The following INPP5B variants were observed in gnomAD, a reference collection of about 807,000 sequenced individuals.
INPP5B encodes the protein type II inositol 1,4,5-trisphosphate 5-phosphatase.
A neutral mutation model predicts 118.5 loss-of-function variants in INPP5B; 90 were observed. The observed-to-expected ratio is 0.76, with a 90% CI of 0.64 to 0.90. INPP5B has a LOEUF of 0.90. Among genes scored for constraint, INPP5B ranks in the 40% least tolerant of loss-of-function variants. The pLI, the probability that INPP5B is intolerant of heterozygous loss-of-function variation, is 0.00. For missense variants in INPP5B, 984 were observed against 1,125.6 expected (o/e 0.87, Z 1.80); for synonymous variants, 385 against 418.9 (o/e 0.92, Z 0.99).
chr1:37,934,233 C>G (rs1019747193), intron 6 of INPP5B, among the ~76,000 whole-genome samples: 1 of 152,090 alleles, frequency 6.6e-6, no homozygotes, highest in African/African-American at 2.4e-5. Flanking sequence ...CCATCCGGCC[C>G]CTATTACTTC....
At chr1:37,867,285 G>A (rs568445760) in intron 20 of INPP5B, among the ~76,000 whole-genome samples, 120 of 152,202 alleles carry the variant, frequency 7.9e-4, no homozygotes, top group African/African-American at 2.8e-3. Context: ...GATACTTTAT[G>A]TTCATTTGTT....
intron 6 of INPP5B, among the ~76,000 whole-genome samples, chr1:37,933,943 A>G (rs1056967831): frequency 1.8e-5 from 2 of 113,518 alleles, no homozygotes; most frequent in Non-Finnish European, 3.7e-5. Context: ...TTATTTATTT[A>G]TTTATTTTGG....
rs777352568 is a variant in INPP5B, at chr1:37,911,970, G to A, written c.532+19943C>T. Among the ~76,000 whole-genome samples the A allele has an allele frequency of 3.9e-5, 6 of 152,174 alleles. 1 individual carries two copies. The highest frequency in any genetic ancestry group is 6.5e-5 in the Admixed American group (1 of 15,284). On this transcript the variant is annotated intron_variant, in intron 7 of 23. Transcript: ENST00000373024. ...CTTCTCAGAATTAGAGCCTGTCCTC[G>A]AGATGCTACAGGGTACTGTCCATTT...
chr1:37,931,461 C>A lies in INPP5B; in HGVS notation c.532+452G>T, dbSNP rs1343008427. 2.6e-6 allele frequency: 4 copies of A among 1,531,776 alleles called. No homozygotes were observed. In the South Asian group the frequency reaches 4.8e-5, roughly 18 times the overall value. 94.9% of individuals were successfully genotyped at this position (1,531,776 alleles called of 1,614,324 possible). On this transcript the variant is annotated intron_variant, in intron 7 of 23. Transcript: ENST00000373024. ...CCCCAGCCTCCGGATTCCCAAGTAC[C>A]CCATTCCCACCCGCCTACCCTCGTC...
rs1240381798 is a variant in INPP5B at position 37,888,249 on chromosome 1, C to A, written c.893G>T (p.Cys298Phe). ...CTAGAAGAGAAGCACTCACCCTACA[C>A]AATAGACATCTGGGGCCTGGATACC... ...SNGIQAPDVY[C>F]VGFQELDLSK... is the part of the protein sequence containing the mutation. The change falls in exon 10 of 24, where the codon TGT (cysteine) becomes TTT (phenylalanine). Residue 298 changes from cysteine to phenylalanine, a missense_variant. Around this residue, in one of 2 missense-constraint regions of INPP5B, gnomAD observed 634 missense variants for 791.0 expected, o/e 0.80. Coordinates refer to ENST00000373024, the MANE Select transcript of INPP5B (RefSeq NM_005540.3). The A allele has an allele frequency of 6.4e-7, 1 of 1,567,588 alleles. No individual in the cohort carries two copies. The highest frequency in any genetic ancestry group is 1.2e-5 in the South Asian group (1 of 84,670).
At chr1:37,931,278 A>G in intron 7 of INPP5B, 1 of 457,752 alleles carries the variant, frequency 2.2e-6, no homozygotes, top group Non-Finnish European at 3.8e-6. Context: ...CCAAAGGAAG[A>G]CTCTATCGTA....
chr1:37,921,324 T>C (rs1376875369), intron 7 of INPP5B, among the ~76,000 whole-genome samples: 9 of 152,160 alleles, frequency 5.9e-5, no homozygotes, highest in Non-Finnish European at 1.5e-5. Flanking sequence ...ACCTAGCACA[T>C]AGTACACAGG....
At chr1:37,919,310 T>G (rs2148627564) in intron 7 of INPP5B, among the ~76,000 whole-genome samples, 1 of 152,238 alleles carries the variant, frequency 6.6e-6, no homozygotes, top group South Asian at 2.1e-4. Context: ...TCCTATCTTC[T>G]CAGTCACCAG....
At chr1:37,942,911 A>G (rs200499565) in intron 5 of INPP5B, among the ~76,000 whole-genome samples, 1 of 147,010 alleles carries the variant, frequency 6.8e-6, no homozygotes, top group Admixed American at 6.7e-5. Context: ...TCTGTCAAGA[A>G]AGAGAGAGAG....
In INPP5B at chr1:37,865,212, T is replaced by C. The variant is rs547709445; in HGVS notation, c.2514+549A>G. ...AAAAAAAAAGTGTGATTCAGTAGAT[T>C]TGGGGTGTGGCTTTAGAATCTCTAT... is the stretch of plus-strand genomic sequence containing the variant. On this transcript the variant is annotated intron_variant, in intron 22 of 23. Transcript: ENST00000373024. Among the ~76,000 whole-genome samples the C allele has an allele frequency of 9.2e-5, 14 of 152,046 alleles. No individual in the cohort carries two copies. In the South Asian group the frequency reaches 2.9e-3, roughly 32 times the overall value.
intron 15 of INPP5B, among the ~76,000 whole-genome samples, chr1:37,878,882 T>G (rs1643009954): frequency 6.6e-6 from 1 of 150,466 alleles, no homozygotes; most frequent in Non-Finnish European, 1.5e-5. Context: ...ACTCCTGAGC[T>G]CAGGCAATCT....
At chr1:37,884,727 G>A (rs977454346) in intron 13 of INPP5B, among the ~76,000 whole-genome samples, 1 of 151,980 alleles carries the variant, frequency 6.6e-6, no homozygotes, top group Non-Finnish European at 1.5e-5. Context: ...CGAGGTGGGC[G>A]GATCACGAGG....
At chr1:37,893,249 A>T (rs1398617491) in intron 7 of INPP5B, among the ~76,000 whole-genome samples, 1 of 151,522 alleles carries the variant, frequency 6.6e-6, no homozygotes, top group Non-Finnish European at 1.5e-5. Flanking sequence ...TGCCCAGCTA[A>T]CTTTTTGTAT....
chr1:37,919,311 C>T (rs2148627569), intron 7 of INPP5B, among the ~76,000 whole-genome samples: 1 of 152,264 alleles, frequency 6.6e-6, no homozygotes, highest in South Asian at 2.1e-4. Flanking sequence ...CCTATCTTCT[C>T]AGTCACCAGC....
Position 37,917,308 on chromosome 1 carries a change from T to TTATATATATATATATATATATATATATA in INPP5B, c.532+14577_532+14604dup, listed in dbSNP as rs368327131. 1.5e-3 allele frequency among the ~76,000 whole-genome samples: 135 copies of TTATATATATATATATATATATATATATA among 92,728 alleles called. 2 individuals carry two copies. Among genetic ancestry groups the TTATATATATATATATATATATATATATA allele is most frequent in the Middle Eastern group, 6.3e-3 (1 of 160 alleles). 60.8% of individuals were successfully genotyped at this position (92,728 alleles called of 152,430 possible). ...CGTCTCGGGGGAAAAAAAAAAATAATTATATATATATATATATATATATAT... is the reference window on the plus strand; with the variant it reads ...CGTCTCGGGGGAAAAAAAAAAATAATTATATATATATATATATATATATATATATATATATATATATATATATATATAT... On this transcript the variant is annotated intron_variant, in intron 7 of 23. Coordinates refer to ENST00000373024, the MANE Select transcript of INPP5B (RefSeq NM_005540.3).
chr1:37,898,999 T>C (rs1360936249), intron 7 of INPP5B, among the ~76,000 whole-genome samples: 1 of 151,320 alleles, frequency 6.6e-6, no homozygotes, highest in East Asian at 2.0e-4. Context: ...CTGACCAACA[T>C]GGAGAAACCC....
chr1:37,905,149 C>T (rs1644462585), intron 7 of INPP5B, among the ~76,000 whole-genome samples: 1 of 152,140 alleles, frequency 6.6e-6, no homozygotes, highest in African/African-American at 2.4e-5. Flanking sequence ...GCCTGTAATC[C>T]CAGCACTGTG....
At chr1:37,896,825 G>A (rs563957425) in intron 7 of INPP5B, among the ~76,000 whole-genome samples, 2 of 141,292 alleles carry the variant, frequency 1.4e-5, no homozygotes, top group South Asian at 4.5e-4. Flanking sequence ...CGGGAGGTGA[G>A]GGGCGCCTCT....
intron 7 of INPP5B, 162 bp downstream of exon 7, chr1:37,931,751 C>A (rs199551269): frequency 2.5e-6 from 4 of 1,600,244 alleles, no homozygotes; most frequent in East Asian, 2.3e-5. Flanking sequence ...TCCCGCCGCC[C>A]GTCCCGCGCG....
Sources: gnomAD v4.1 joint callset for allele counts (sites outside exome capture counted in the v4.1 genomes callset) on GRCh38, gnomAD v4.1.1 for gene constraint, gnomAD v4.1.1 regional missense constraint, MANE v1.5 for transcripts, NCBI Gene and HGNC (gene_info 2026-07-23, HGNC 2026-07-21) for gene names.